The following ATG4A variants were observed in gnomAD, a reference collection of about 807,000 sequenced individuals.
ATG4A encodes cysteine protease ATG4A.
Under a neutral mutation model 38.4 loss-of-function variants are expected in ATG4A, and 22 were observed. The observed-to-expected ratio is 0.57, with a 90% CI of 0.41 to 0.82. The LOEUF (loss-of-function observed/expected upper bound fraction) is 0.82, where lower values mean the gene tolerates loss of function less well. Among genes scored for constraint, ATG4A ranks in the 40% least tolerant of loss-of-function variants. The pLI is 0.00. For missense variants in ATG4A, 220 were observed against 290.0 expected, an observed-to-expected ratio of 0.76 and a Z score of 1.75; for synonymous variants, 86 against 100.7, an observed-to-expected ratio of 0.85 and a Z score of 0.88.
At chrX:108,102,159 C>T (rs760616351) in intron 1 of ATG4A, among the ~76,000 whole-genome samples, 20 of 111,180 alleles carry the variant, frequency 1.8e-4, no homozygotes, top group African/African-American at 4.9e-4. Context: ...CCATACCAAC[C>T]GCACCATTCT....
Position 108,130,201 on chromosome X carries a change from A to G in ATG4A, c.194-1059A>G, listed in dbSNP as rs906333928. 5.4e-5 allele frequency among the ~76,000 whole-genome samples: 6 copies of G among 111,452 alleles called. No homozygotes were observed. In the East Asian group the frequency reaches 1.1e-3, roughly 21 times the overall value. On this transcript the variant is annotated intron_variant, in intron 3 of 12. Transcript: ENST00000372232. ...TAACTCTCCTTCAGTCCCCACAACT[A>G]AAAGAAAGGGGTGACCACCTTGACC...
intron 1 of ATG4A, 31 bp downstream of exon 1, chrX:108,091,867 T>A: frequency 8.3e-7 from 1 of 1,210,012 alleles, no homozygotes; most frequent in Non-Finnish European, 1.1e-6. Context: ...TGGAACCGTG[T>A]GAAAGAGCCG....
chrX:108,111,611 C>A (rs894405806), intron 1 of ATG4A, among the ~76,000 whole-genome samples: 1 of 111,524 alleles, frequency 9.0e-6, no homozygotes, highest in Non-Finnish European at 1.9e-5. Flanking sequence ...CCTGCTTCCT[C>A]CATGAAGCCT....
intron 1 of ATG4A, among the ~76,000 whole-genome samples, chrX:108,116,729 A>T (rs1479757058): frequency 9.0e-6 from 1 of 111,623 alleles, no homozygotes; most frequent in Non-Finnish European, 1.9e-5. Context: ...CAAGGCCAGC[A>T]TCTCCTGGCT....
In ATG4A at chrX:108,110,619, C is replaced by T. The variant is rs974220798; in HGVS notation, c.11-15458C>T. 2.7e-5 allele frequency among the ~76,000 whole-genome samples: 3 copies of T among 111,761 alleles called. No homozygotes were observed. In the Admixed American group the frequency reaches 2.8e-4, roughly 11 times the overall value. On this transcript the variant is annotated intron_variant, in intron 1 of 12. Coordinates refer to ENST00000372232, the MANE Select transcript of ATG4A (RefSeq NM_052936.5). ...CCCTTACCACTACACTCATTAGCCT[C>T]TAGTATTCTCTGTTCTACTTTTTAC...
At chrX:108,108,967 C>T (rs1247243580) in intron 1 of ATG4A, among the ~76,000 whole-genome samples, 1 of 112,069 alleles carries the variant, frequency 8.9e-6, no homozygotes, top group Admixed American at 9.5e-5. Context: ...CTGCTATGAG[C>T]ATGGGTGTGC....
Position 108,154,438 on chromosome X carries a change from C to T in ATG4A, c.*726C>T, listed in dbSNP as rs1158015168. On this transcript the variant is annotated 3_prime_UTR_variant, in exon 13 of 13. Coordinates refer to ENST00000372232, the MANE Select transcript of ATG4A (RefSeq NM_052936.5). ...AGGGCCAGACGGGAAATATTTTGGG[C>T]TTTGCAGGCCATGCGGCCTCTGTCA... The T allele has an allele frequency of 8.9e-6, 1 of 112,185 alleles. No individual in the cohort carries two copies. Among genetic ancestry groups the T allele is most frequent in the East Asian group, 2.8e-4 (1 of 3,563 alleles). 9.2% of individuals were successfully genotyped at this position (112,185 alleles called of 1,213,427 possible). A position where few individuals can be genotyped will look rare whatever the true frequency, so the allele number is the denominator to read the frequency against.
intron 1 of ATG4A, among the ~76,000 whole-genome samples, chrX:108,116,854 C>T (rs1359672819): frequency 8.9e-6 from 1 of 111,968 alleles, no homozygotes; most frequent in Admixed American, 9.5e-5. Flanking sequence ...TGTCCTTTCC[C>T]TGATGAATTT....
chrX:108,112,881 G>A (rs920034123), intron 1 of ATG4A, among the ~76,000 whole-genome samples: 2 of 110,249 alleles, frequency 1.8e-5, no homozygotes, highest in Non-Finnish European at 1.9e-5. Flanking sequence ...TGTGTGTGTG[G>A]GAAACCATAC....
intron 1 of ATG4A, among the ~76,000 whole-genome samples, chrX:108,101,218 G>A (rs1369869732): frequency 2.7e-5 from 3 of 110,506 alleles, no homozygotes; most frequent in Non-Finnish European, 5.7e-5. Context: ...CCCTTTTGGT[G>A]TCTGCAAGGT....
At chrX:108,142,320 C>T (rs1340236003) in intron 9 of ATG4A, among the ~76,000 whole-genome samples, 2 of 110,718 alleles carry the variant, frequency 1.8e-5, no homozygotes, top group African/African-American at 6.6e-5. Context: ...GGATGGGGAT[C>T]GCTTCCAAGC....
At chrX:108,108,452 G>T (rs1030551672) in intron 1 of ATG4A, among the ~76,000 whole-genome samples, 3 of 110,030 alleles carry the variant, frequency 2.7e-5, no homozygotes, top group African/African-American at 9.9e-5. Context: ...TCTTTTCTTG[G>T]AACCAGAATA....
chrX:108,126,035 C>T, intron 1 of ATG4A, 42 bp from the exon 2 acceptor site: 1 of 918,509 alleles, frequency 1.1e-6, no homozygotes, highest in South Asian at 2.1e-5. Flanking sequence ...AAAGATAAGC[C>T]CCTTCTATTA....
chrX:108,111,562 C>G (rs2032355410), intron 1 of ATG4A, among the ~76,000 whole-genome samples: 1 of 111,809 alleles, frequency 8.9e-6, no homozygotes, highest in Non-Finnish European at 1.9e-5. Context: ...GAGCACCAGG[C>G]TTTGGATGAA....
intron 2 of ATG4A, among the ~76,000 whole-genome samples, chrX:108,127,493 T>A (rs1375451158): frequency 8.9e-6 from 1 of 111,899 alleles, no homozygotes; most frequent in Non-Finnish European, 1.9e-5. Flanking sequence ...CATTTATGGA[T>A]GAGGAAACTG....
upstream of ATG4A, among the ~76,000 whole-genome samples, chrX:108,089,075 C>T (rs781734660): frequency 2.7e-5 from 3 of 112,247 alleles, no homozygotes; most frequent in Non-Finnish European, 5.6e-5. Flanking sequence ...GGGCAGAATA[C>T]GACAAGGAAA....
intron 1 of ATG4A, among the ~76,000 whole-genome samples, chrX:108,112,537 G>A (rs928028911): frequency 1.1e-4 from 12 of 109,889 alleles, no homozygotes; most frequent in South Asian, 8.0e-4. Flanking sequence ...GATTACAGGC[G>A]CCCGGCACTA....
intron 9 of ATG4A, among the ~76,000 whole-genome samples, chrX:108,147,437 A>G (rs2033452317): frequency 9.0e-6 from 1 of 111,504 alleles, no homozygotes; most frequent in African/African-American, 3.3e-5. Context: ...CAATGCCCTC[A>G]CTTTAACAGT....
intron 1 of ATG4A, among the ~76,000 whole-genome samples, chrX:108,123,681 C>T (rs2032719534): frequency 8.9e-6 from 1 of 112,209 alleles, no homozygotes; most frequent in African/African-American, 3.2e-5. Context: ...CTGTAATGAC[C>T]TTCTTGCTGG....
Sources: gnomAD v4.1 joint callset for allele counts (sites outside exome capture counted in the v4.1 genomes callset) on GRCh38, gnomAD v4.1.1 for gene constraint, MANE v1.5 for transcripts, NCBI Gene and HGNC (gene_info 2026-07-23, HGNC 2026-07-21) for gene names.